The following CCNH variants were observed in gnomAD, a reference collection of about 807,000 sequenced individuals.
The protein encoded by CCNH is cyclin H, also known as cyclin-H.
Under a neutral mutation model 41.9 loss-of-function variants are expected in CCNH, and 31 were observed. The ratio of observed to expected loss-of-function variants is 0.74; its 90% CI spans 0.56 to 1.00. CCNH has a LOEUF of 1.00. Ranked by LOEUF, CCNH falls within the 50% of genes least tolerant of loss-of-function variation. The probability of loss-of-function intolerance (pLI) is 0.00; values close to 1 mark genes in which losing one functional copy is unlikely to be tolerated. For synonymous variants in CCNH, 138 were observed against 136.1 expected, an observed-to-expected ratio of 1.01 and a Z score of -0.10; for missense variants, 362 against 388.4, an observed-to-expected ratio of 0.93 and a Z score of 0.57.
intron 9 of CCNH, among the ~76,000 whole-genome samples, chr5:87,338,536 A>ATATTTTTTTTTT: frequency 1.3e-4 from 11 of 85,220 alleles, no homozygotes; most frequent in African/African-American, 4.9e-4. Flanking sequence ...TATATATAAA[A>ATATTTTTTTTTT]TTTTTTTTTT....
chr5:87,407,279 A>G (rs1399402224), intron 4 of CCNH, among the ~76,000 whole-genome samples: 1 of 152,126 alleles, frequency 6.6e-6, no homozygotes, highest in African/African-American at 2.4e-5. Flanking sequence ...TGATTGTCTA[A>G]AACCTTTAGA....
At chr5:87,394,781 GA>G in intron 8 of CCNH, 3 of 1,339,134 alleles carry the variant, frequency 2.2e-6, no homozygotes, top group Non-Finnish European at 1.9e-6. Flanking sequence ...TGGAGAATAA[GA>G]AAAAAAGCAA....
At chr5:87,313,387 A>C in the CCNH span, among the ~76,000 whole-genome samples, 9 of 152,286 alleles carry the variant, frequency 5.9e-5, no homozygotes, top group South Asian at 1.9e-3. Flanking sequence ...CTTTACCAAG[A>C]AAAAGAGGAA....
chr5:87,324,729 G>A (rs887260570), intron 9 of CCNH, among the ~76,000 whole-genome samples: 1 of 151,802 alleles, frequency 6.6e-6, no homozygotes, highest in Non-Finnish European at 1.5e-5. Context: ...ATATAAACAC[G>A]CCCTCTTCTC....
chr5:87,366,246 A>C (rs1760503992), intron 9 of CCNH: 1 of 234,268 alleles, frequency 4.3e-6, no homozygotes, highest in South Asian at 4.9e-5. Flanking sequence ...TGATACTTAC[A>C]ACTGCAATTA....
chr5:87,353,308 C>T (rs918023140), intron 9 of CCNH: 1 of 1,167,808 alleles, frequency 8.6e-7, no homozygotes, highest in African/African-American at 1.5e-5. Flanking sequence ...TGTTTTTGCA[C>T]ACATTTGTAC....
At chr5:87,381,860 T>C (rs983612378), upstream of CCNH, among the ~76,000 whole-genome samples, 6 of 152,214 alleles carry the variant, frequency 3.9e-5, no homozygotes, top group African/African-American at 1.4e-4. Context: ...AGGTTAGGTT[T>C]CAGGCTCATA....
rs1293815358 is a variant in CCNH, at chr5:87,401,889, ATG to A, written c.690-119_690-118del. 7.1e-6 allele frequency: 4 copies of A among 565,058 alleles called. No homozygotes were observed. The South Asian group carries it at 1.1e-4, about 15-fold the overall frequency. The allele number at this position is 565,058 out of a possible 1,614,324, so 35.0% of individuals were successfully genotyped here. On this transcript the variant is annotated intron_variant, in intron 5 of 8. Coordinates refer to ENST00000256897, the MANE Select transcript of CCNH (RefSeq NM_001239.4). ...AGGCAATTAAAAAATTTTTAAATTT[ATG>A]AATGTATAATCTGTAACTCCTATAT...
At chr5:87,374,871 A>G, downstream of CCNH, 1 of 1,609,760 alleles carries the variant, frequency 6.2e-7, no homozygotes, top group South Asian at 1.1e-5. Context: ...TAGATTTGAA[A>G]TAACTCTTAG....
chr5:87,377,261 T>C (rs1026281349), upstream of CCNH: 88 of 572,640 alleles, frequency 1.5e-4, 1 homozygote, highest in African/African-American at 1.4e-3. Flanking sequence ...AGATAAGTAC[T>C]AGAAGCCACA....
intron 9 of CCNH, among the ~76,000 whole-genome samples, chr5:87,348,598 A>G (rs543508556): frequency 1.3e-5 from 2 of 151,918 alleles, no homozygotes; most frequent in Non-Finnish European, 2.9e-5. Context: ...CTACCTTTAT[A>G]AAAAGCTTTT....
downstream of CCNH, chr5:87,372,021 G>GA: frequency 1.0e-6 from 1 of 971,970 alleles, no homozygotes; most frequent in Non-Finnish European, 1.5e-6. Flanking sequence ...TCTAGAGAAG[G>GA]AAAAAATTGT....
At chr5:87,381,846 G>A (rs1177855613), upstream of CCNH, among the ~76,000 whole-genome samples, 1 of 152,170 alleles carries the variant, frequency 6.6e-6, no homozygotes, top group African/African-American at 2.4e-5. Flanking sequence ...GGGCATTTTT[G>A]CCAAGGTTAG....
At position 87,409,332 on chromosome 5, in the gene CCNH, TA is replaced by T; in HGVS notation, c.271del (p.Tyr91IlefsTer6). The T allele has an allele frequency of 6.4e-7, 1 of 1,569,158 alleles. No individual in the cohort carries two copies. The highest frequency in any genetic ancestry group is 8.8e-7 in the Non-Finnish European group (1 of 1,142,370). On this transcript the variant is annotated frameshift_variant, in exon 3 of 9. Transcript: ENST00000256897. LOFTEE classifies it high-confidence loss of function. The stretch of plus-strand genomic sequence containing the variant: ...ATATTCCATTACTGAGTTATTAAGA[TA>T]AAAACGTTTGAAATACATACAAGCC... The part of the protein sequence containing the change: ...GTACMYFKRF[Y>X]LNNSVMEYHP...
rs775819060 is a variant in CCNH at position 87,362,535 on chromosome 5, GT to G, written c.*90+30234del. On this transcript the variant is annotated intron_variant and NMD_transcript_variant, in intron 9 of 9. Transcript: ENST00000645953. ...CAAGAATGTATGAAATAATTTTAAT[GT>G]TTTTTAAAATTCAGGATCAAGAACA... 7.6e-6 allele frequency: 12 copies of G among 1,579,102 alleles called. No individual in the cohort carries two copies. Among genetic ancestry groups the G allele is most frequent in the Non-Finnish European group, 1.0e-5 (12 of 1,149,764 alleles).
rs1253903016 is a variant in CCNH, at chr5:87,399,499, C to A, written c.767G>T (p.Arg256Ile). 1 of 1,605,584 alleles carries A rather than the reference C, an allele frequency of 6.2e-7. No individual in the cohort carries two copies. ...TGGTTCATACTTCTTTACTAAGTTT[C>A]TCATGCCTATGTGGATACAAAAAAA... is the stretch of plus-strand genomic sequence containing the variant. ...SQLLDIMKSM[R>I]NLVKKYEPPR... is the part of the protein sequence containing the mutation. The change falls in exon 7 of 9, where the codon AGA (arginine) becomes ATA (isoleucine). Residue 256 changes from arginine (R) to isoleucine (I), a missense_variant. Coordinates refer to ENST00000256897, the MANE Select transcript of CCNH (RefSeq NM_001239.4).
chr5:87,378,930 G>A (rs1267403242), upstream of CCNH, among the ~76,000 whole-genome samples: 1 of 152,032 alleles, frequency 6.6e-6, no homozygotes, highest in Non-Finnish European at 1.5e-5. Flanking sequence ...TGCGAGGGGA[G>A]AATTATGAGA....
At chr5:87,353,271 T>C in intron 9 of CCNH, 1 of 1,511,156 alleles carries the variant, frequency 6.6e-7, no homozygotes, top group Non-Finnish European at 9.2e-7. Context: ...TAATTAGCAT[T>C]TTATTTTAAA....
chr5:87,378,351 G>A (rs1561323860), upstream of CCNH: 8 of 1,601,658 alleles, frequency 5.0e-6, no homozygotes, highest in Non-Finnish European at 6.8e-6. Context: ...GGTCACATTA[G>A]GTCAGTCCTT....
Sources: allele counts gnomAD v4.1 joint callset (sites outside exome capture counted in the v4.1 genomes callset), GRCh38; gene constraint gnomAD v4.1.1; transcripts MANE v1.5; gene names NCBI Gene and HGNC (gene_info 2026-07-23, HGNC 2026-07-21).